PTBP1: variants seen among roughly 807,000 people sequenced by gnomAD.
PTBP1 encodes polypyrimidine tract-binding protein 1.
In PTBP1, 8 loss-of-function variants were observed where a neutral mutation model predicts 59.8. The ratio of observed to expected loss-of-function variants is 0.13; its 90% CI spans 0.08 to 0.24. The LOEUF (loss-of-function observed/expected upper bound fraction) is 0.24, where lower values mean the gene tolerates loss of function less well. Ranked by LOEUF, PTBP1 falls within the 10% of genes least tolerant of loss-of-function variation. PTBP1 has a pLI of 1.00. For missense variants in PTBP1, 686 were observed against 767.0 expected (o/e 0.89, Z 1.25); for synonymous variants, 490 against 320.7 (o/e 1.53, Z -5.64).
chr19:799,334 C>T (rs745634244), intron 1 of PTBP1, 79 bp from the exon 2 acceptor site: 3 of 1,386,134 alleles, frequency 2.2e-6, no homozygotes, highest in South Asian at 2.3e-5. Flanking sequence ...TACGGGCTCT[C>T]CTGGCCCGGG....
Position 808,250 on chromosome 19 carries a change from AC to A in PTBP1, c.1154-107del. 1 of 941,802 alleles carries A rather than the reference AC, an allele frequency of 1.1e-6. No homozygotes were observed. Among genetic ancestry groups the A allele is most frequent in the Non-Finnish European group, 1.6e-6 (1 of 607,598 alleles). The allele number at this position is 941,802 out of a possible 1,614,324, so 58.3% of individuals were successfully genotyped here. A position where few individuals can be genotyped will look rare whatever the true frequency, so the allele number is the denominator to read the frequency against. ...AGCTCCGCAGTGGCCGATAAAGCAA[AC>A]CCGGCCGGGCTGAGCCGGGCCTTGT... On this transcript the variant is annotated intron_variant, in intron 11 of 14. Transcript: ENST00000356948. The surrounding 1 kb of genome is among the most constrained non-coding windows in gnomAD (Gnocchi z 4.7).
chr19:797,769 C>G (rs528221064), intron 1 of PTBP1, among the ~76,000 whole-genome samples: 1 of 148,696 alleles, frequency 6.7e-6, no homozygotes, highest in Non-Finnish European at 1.5e-5. Context: ...TCCCGCGCCC[C>G]TCCCCCTCCG....
intron 1 of PTBP1, among the ~76,000 whole-genome samples, chr19:797,888 C>T (rs1221316218): frequency 1.3e-5 from 2 of 148,872 alleles, no homozygotes; most frequent in Non-Finnish European, 3.0e-5. Context: ...CCCGTCCGCT[C>T]CCCTCGTGCG....
chr19:807,329 G>A lies in PTBP1; in HGVS notation c.1120-540G>A, dbSNP rs147535866. ...GGGCTTGGCTGAGGTGGCCGCGAGC[G>A]GAGCTGCACGCGCGCTCCTGGGGGG... is the stretch of plus-strand genomic sequence containing the variant. On this transcript the variant is annotated intron_variant, in intron 10 of 14. Coordinates refer to ENST00000356948, the MANE Select transcript of PTBP1 (RefSeq NM_002819.5). 156 of 153,850 alleles carry A rather than the reference G, an allele frequency of 1.0e-3. 1 individual carries two copies. The East Asian group carries it at 0.025, about 24-fold the overall frequency. The allele number at this position is 153,850 out of a possible 1,614,324, so 9.5% of individuals were successfully genotyped here. A position where few individuals can be genotyped will look rare whatever the true frequency, so the allele number is the denominator to read the frequency against.
chr19:806,894 G>A (rs1326607512), intron 10 of PTBP1: 2 of 212,182 alleles, frequency 9.4e-6, no homozygotes, highest in African/African-American at 4.6e-5. Context: ...GGGACACACA[G>A]GGTTAGCGCG....
Position 804,903 on chromosome 19 carries a change from G to A in PTBP1, c.681G>A (p.Gln227=). ...ACAACCAGTTCCAGGCCCTGCTGCA[G>A]TATGCGGACCCCGTGAGCGCCCAGC... is the stretch of plus-strand genomic sequence containing the variant. The part of the protein sequence containing the change: ...TKNNQFQALL[Q]YADPVSAQHA... Residue 227 remains glutamine (Q), a synonymous_variant, in exon 7 of 15, where the codon CAG becomes CAA. Transcript: ENST00000356948. 6.2e-7 allele frequency: 1 copy of A among 1,613,940 alleles called. No homozygotes were observed. Among genetic ancestry groups the A allele is most frequent in the South Asian group, 1.1e-5 (1 of 91,076 alleles).
In PTBP1 at chr19:797,457, G is replaced by T; in HGVS notation, c.-41G>T. On this transcript the variant is annotated 5_prime_UTR_variant, in exon 1 of 15. Transcript: ENST00000356948. Reference sequence around the variant, plus strand: ...CCGTTGGGTCGGTTCCTGCTATTCCGGCGCCTCCACTCCGTCCCCCGCGGG... The same window carrying T: ...CCGTTGGGTCGGTTCCTGCTATTCCTGCGCCTCCACTCCGTCCCCCGCGGG... The T allele has an allele frequency of 6.3e-7, 1 of 1,599,412 alleles. No individual in the cohort carries two copies.
chr19:807,854 C>T lies in PTBP1; in HGVS notation c.1120-15C>T, dbSNP rs1034120838. ...TCCCCTGTCCCTCCGCTGCCTTGCTCTGCTGTCTCTAAAGAGAGTCACACC... is the reference window on the plus strand; with the variant it reads ...TCCCCTGTCCCTCCGCTGCCTTGCTTTGCTGTCTCTAAAGAGAGTCACACC... On this transcript the variant is annotated splice_polypyrimidine_tract_variant and intron_variant, in intron 10 of 14. Transcript: ENST00000356948. 3 of 1,613,214 alleles carry T rather than the reference C, an allele frequency of 1.9e-6. No individual in the cohort carries two copies. The highest frequency in any genetic ancestry group is 2.5e-6 in the Non-Finnish European group (3 of 1,179,224).
chr19:810,933 T>C lies in PTBP1; in HGVS notation c.*107T>C. ...GACCTTAGCAGACCAGAGATTTTAT[T>C]TTTTTAAAGAGAAATCAGTTTACCT... On this transcript the variant is annotated 3_prime_UTR_variant, in exon 15 of 15. Transcript: ENST00000356948. 8.5e-7 allele frequency: 1 copy of C among 1,175,746 alleles called. No individual in the cohort carries two copies. The highest frequency in any genetic ancestry group is 1.1e-6 in the Non-Finnish European group (1 of 871,246). The allele number at this position is 1,175,746 out of a possible 1,614,324, so 72.8% of individuals were successfully genotyped here.
At chr19:806,006 G>C in intron 9 of PTBP1, 1 of 259,002 alleles carries the variant, frequency 3.9e-6, no homozygotes, top group East Asian at 1.1e-4. Context: ...CCGCCCCAGT[G>C]CTGGCCGTGG....
chr19:797,878 C>T (rs1053798574), intron 1 of PTBP1, among the ~76,000 whole-genome samples: 30 of 148,912 alleles, frequency 2.0e-4, no homozygotes, highest in Non-Finnish European at 3.0e-4. Flanking sequence ...CTTCCCGCCT[C>T]CCGTCCGCTC....
chr19:810,982 T>TTCACCTTGC lies in PTBP1; in HGVS notation c.*162_*170dup. ...CTGTTTTTAAAAAAATTAAATCTAG[T>TTCACCTTGC]TCACCTTGCTCACCCTGCGGTGACA... is the stretch of plus-strand genomic sequence containing the variant. On this transcript the variant is annotated 3_prime_UTR_variant, in exon 15 of 15. Transcript: ENST00000356948. 1 of 794,264 alleles carries TTCACCTTGC rather than the reference T, an allele frequency of 1.3e-6. No individual in the cohort carries two copies. The highest frequency in any genetic ancestry group is 1.8e-6 in the Non-Finnish European group (1 of 544,146). The allele number at this position is 794,264 out of a possible 1,614,324, so 49.2% of individuals were successfully genotyped here.
Position 812,199 on chromosome 19 carries a change from G to C in PTBP1, c.*1373G>C, listed in dbSNP as rs1445695722. On this transcript the variant is annotated 3_prime_UTR_variant, in exon 15 of 15. Transcript: ENST00000356948. The stretch of plus-strand genomic sequence containing the variant: ...GATGGCTTGTGACGCGGAGAGAACC[G>C]ATTAAAACCGTTTGAGAAACTCCTC... The C allele has an allele frequency of 6.6e-6, 1 of 152,468 alleles. No individual in the cohort carries two copies. The highest frequency in any genetic ancestry group is 1.5e-5 in the Non-Finnish European group (1 of 68,108). 9.4% of individuals were successfully genotyped at this position (152,468 alleles called of 1,614,324 possible).
chr19:804,839 A>G lies in PTBP1; in HGVS notation c.617A>G (p.Lys206Arg). ...TLDVLHQIFS[K>R]FGTVLKIITF... ...GCCCGGGACCTGCAGATTTTCTCCA[A>G]GTTCGGCACAGTGTTGAAGATCATC... The change falls in exon 7 of 15, where the codon AAG (lysine) becomes AGG (arginine). Residue 206 changes from lysine (K) to arginine (R), a missense_variant. By Grantham distance (26) the Lys-to-Arg change is conservative (BLOSUM62 2). Coordinates refer to ENST00000356948, the MANE Select transcript of PTBP1 (RefSeq NM_002819.5). 1.2e-6 allele frequency: 2 copies of G among 1,613,902 alleles called. No homozygotes were observed. Among genetic ancestry groups the G allele is most frequent in the East Asian group, 2.2e-5 (1 of 44,852 alleles).
Position 810,964 on chromosome 19 carries a change from TA to T in PTBP1, c.*145del. 3.2e-6 allele frequency: 3 copies of T among 928,828 alleles called. No homozygotes were observed. The highest frequency in any genetic ancestry group is 4.5e-6 in the Non-Finnish European group (3 of 660,584). 57.5% of individuals were successfully genotyped at this position (928,828 alleles called of 1,614,324 possible). On this transcript the variant is annotated 3_prime_UTR_variant, in exon 15 of 15. Transcript: ENST00000356948. ...AAAGAGAAATCAGTTTACCTGTTTT[TA>T]AAAAAATTAAATCTAGTTCACCTTG...
In PTBP1 at chr19:804,467, G is replaced by A. The variant is rs774610792; in HGVS notation, c.435+29G>A. On this transcript the variant is annotated intron_variant, in intron 5 of 14. Coordinates refer to ENST00000356948, the MANE Select transcript of PTBP1 (RefSeq NM_002819.5). ...CGTGGCCCCGCGGCGGACCCCAGCA[G>A]CCCGGGGACCTCGGGGGTGGGCCCA... 4 of 1,602,682 alleles carry A rather than the reference G, an allele frequency of 2.5e-6. No homozygotes were observed. In the Admixed American group the frequency reaches 5.0e-5, roughly 20 times the overall value.
rs1169109323 is a variant in PTBP1, at chr19:810,779, G to C, written c.1627G>C (p.Gly543Arg). 3.1e-6 allele frequency: 5 copies of C among 1,602,112 alleles called. No individual in the cohort carries two copies. The highest frequency in any genetic ancestry group is 3.4e-6 in the Non-Finnish European group (4 of 1,176,054). Residue 543 changes from glycine (G) to arginine (R), a missense_variant, in exon 15 of 15, where the codon GGG becomes CGG. Transcript: ENST00000356948. ...CATTGACCTGCACAACCACGACCTC[G>C]GGGAGAACCACCACCTGCGGGTCTC... ...ALIDLHNHDL[G>R]ENHHLRVSFS...
chr19:802,638 C>T (rs1417523883), intron 2 of PTBP1, among the ~76,000 whole-genome samples: 4 of 152,134 alleles, frequency 2.6e-5, no homozygotes, highest in South Asian at 4.1e-4. Context: ...TGCAGAGGCT[C>T]GCTTTGCAGA....
rs2034902338 is a variant in PTBP1 at position 811,983 on chromosome 19, T to TC, written c.*1161dup. The stretch of plus-strand genomic sequence containing the variant: ...TCCTGTCCCGGGGGCTCTCCTAGGA[T>TC]CCCCTTTCCGTAAAAGCGTGTAACA... On this transcript the variant is annotated 3_prime_UTR_variant, in exon 15 of 15. Coordinates refer to ENST00000356948, the MANE Select transcript of PTBP1 (RefSeq NM_002819.5). The TC allele has an allele frequency of 6.6e-6, 1 of 152,376 alleles. No individual in the cohort carries two copies. Among genetic ancestry groups the TC allele is most frequent in the African/African-American group, 2.4e-5 (1 of 41,434 alleles). 9.4% of individuals were successfully genotyped at this position (152,376 alleles called of 1,614,324 possible).
Sources: allele counts gnomAD v4.1 joint callset (sites outside exome capture counted in the v4.1 genomes callset), GRCh38; gene constraint gnomAD v4.1.1; non-coding constraint Gnocchi (gnomAD v3.1); transcripts MANE v1.5; gene names NCBI Gene and HGNC (gene_info 2026-07-23, HGNC 2026-07-21).